RBFOX1: variants seen among roughly 807,000 people sequenced by gnomAD.
The protein encoded by RBFOX1 is RNA binding fox-1 homolog 1, also known as RNA binding protein fox-1 homolog 1.
RBFOX1 carries 8 observed loss-of-function variants against 57.7 expected under a neutral mutation model. The observed-to-expected ratio is 0.14, with a 90% CI of 0.08 to 0.25. The LOEUF (loss-of-function observed/expected upper bound fraction) is 0.25. Among genes scored for constraint, RBFOX1 ranks in the 10% least tolerant of loss-of-function variants. The pLI is 1.00. For missense variants in RBFOX1, 611 were observed against 548.5 expected (o/e 1.11, Z -1.14); for synonymous variants, 326 against 222.4 (o/e 1.47, Z -4.15).
chr16:6,339,180 AG>A (rs1258019956), intron 2 of RBFOX1, among the ~76,000 whole-genome samples: 2 of 152,244 alleles, frequency 1.3e-5, no homozygotes, highest in East Asian at 3.8e-4. Flanking sequence ...AGGAAGGCCA[AG>A]TTGACAGAGT....
At chr16:6,240,256 G>A (rs547504217) in intron 1 of RBFOX1, among the ~76,000 whole-genome samples, 2 of 152,256 alleles carry the variant, frequency 1.3e-5, no homozygotes, top group African/African-American at 4.8e-5. Flanking sequence ...AAATTACCCA[G>A]TCTCAGGTAT....
chr16:6,787,691 C>A (rs745801237), intron 3 of RBFOX1, among the ~76,000 whole-genome samples: 3 of 152,114 alleles, frequency 2.0e-5, no homozygotes, highest in Non-Finnish European at 2.9e-5. Context: ...GATTCATGAT[C>A]GTAGCATTCC....
At chr16:6,568,718 A>G (rs766527618) in intron 2 of RBFOX1, among the ~76,000 whole-genome samples, 9 of 152,102 alleles carry the variant, frequency 5.9e-5, no homozygotes, top group Non-Finnish European at 1.2e-4. Flanking sequence ...GTCTTCTTCC[A>G]TTTCAGGGGC....
intron 2 of RBFOX1, among the ~76,000 whole-genome samples, chr16:5,522,071 A>G (rs1306357381): frequency 1.3e-5 from 2 of 152,234 alleles, no homozygotes; most frequent in Non-Finnish European, 2.9e-5. Context: ...TTGAGTGAAT[A>G]TGTGACCACA....
intron 3 of RBFOX1, among the ~76,000 whole-genome samples, chr16:6,987,678 T>C (rs2090603505): frequency 1.3e-5 from 2 of 152,176 alleles, no homozygotes; most frequent in East Asian, 1.9e-4. Flanking sequence ...GTTCACAATC[T>C]AGAAGTGTGA....
chr16:6,393,038 G>T lies in RBFOX1; in HGVS notation c.-64+75981G>T, dbSNP rs141063630. On this transcript the variant is annotated intron_variant, in intron 2 of 15. Coordinates refer to ENST00000550418, the MANE Select transcript of RBFOX1 (RefSeq NM_018723.4). ...GTCTTTAAGGGAGGTTGAACAATAG[G>T]CTGGGACACTGGAGTAAATGGGGCA... 1.6e-3 allele frequency among the ~76,000 whole-genome samples: 241 copies of T among 152,262 alleles called. 2 individuals carry two copies. The highest frequency in any genetic ancestry group is 5.6e-3 in the African/African-American group (231 of 41,562).
At chr16:5,655,524 C>G (rs2049397685) in intron 3 of RBFOX1, among the ~76,000 whole-genome samples, 1 of 152,170 alleles carries the variant, frequency 6.6e-6, no homozygotes, top group African/African-American at 2.4e-5. Flanking sequence ...ATGAATGGTG[C>G]TTTAAATTCC....
At chr16:7,205,664 C>T (rs965192709) in intron 4 of RBFOX1, among the ~76,000 whole-genome samples, 1 of 152,212 alleles carries the variant, frequency 6.6e-6, no homozygotes, top group African/African-American at 2.4e-5. Context: ...TCCATGCCTT[C>T]TTGGTCATTA....
chr16:7,473,146 G>A (rs557513926), intron 4 of RBFOX1, among the ~76,000 whole-genome samples: 4 of 152,236 alleles, frequency 2.6e-5, no homozygotes, highest in South Asian at 2.1e-4. Context: ...GGGAGGCTGA[G>A]GTGGGTGAAT....
chr16:6,930,016 T>C (rs2076248000), intron 3 of RBFOX1, among the ~76,000 whole-genome samples: 1 of 152,106 alleles, frequency 6.6e-6, no homozygotes, highest in Admixed American at 6.5e-5. Context: ...GCGAGATCTC[T>C]CTCTTCTCTC....
intron 2 of RBFOX1, among the ~76,000 whole-genome samples, chr16:6,482,418 C>G (rs1310253583): frequency 6.6e-6 from 1 of 152,158 alleles, no homozygotes; most frequent in Non-Finnish European, 1.5e-5. Flanking sequence ...AGCACTTAAG[C>G]TGAAGATAGC....
chr16:6,275,689 T>C (rs2075730284), intron 1 of RBFOX1, among the ~76,000 whole-genome samples: 1 of 152,168 alleles, frequency 6.6e-6, no homozygotes, highest in Admixed American at 6.5e-5. Flanking sequence ...CATACCTATT[T>C]TTAAAAAACA....
At chr16:6,076,584 C>G (rs1247841553) in intron 1 of RBFOX1, among the ~76,000 whole-genome samples, 1 of 152,070 alleles carries the variant, frequency 6.6e-6, no homozygotes, top group Non-Finnish European at 1.5e-5. Flanking sequence ...CCTCCCACCT[C>G]TGCCTCCCAG....
intron 3 of RBFOX1, among the ~76,000 whole-genome samples, chr16:6,657,863 A>G (rs2098671216): frequency 6.6e-6 from 1 of 151,910 alleles, no homozygotes; most frequent in Admixed American, 6.6e-5. Context: ...TAGTTAAGGG[A>G]GCTTCACAGA....
chr16:5,778,461 A>G (rs1423680847), intron 3 of RBFOX1, among the ~76,000 whole-genome samples: 1 of 152,148 alleles, frequency 6.6e-6, no homozygotes, highest in Admixed American at 6.5e-5. Context: ...AATTATTCAA[A>G]CAAAGCAGTC....
chr16:6,435,095 G>C (rs75999549), intron 2 of RBFOX1, among the ~76,000 whole-genome samples: 2,981 of 152,250 alleles, frequency 0.02, 92 homozygotes, highest in African/African-American at 0.067. Context: ...TATAGCATTA[G>C]TCAGTCGAAG....
intron 5 of RBFOX1, among the ~76,000 whole-genome samples, chr16:7,578,161 T>G (rs1034971): frequency 0.3 from 45,976 of 152,166 alleles, 8,631 homozygotes; most frequent in East Asian, 0.53. Flanking sequence ...TCACTTTCCA[T>G]TTATTGAATA....
At chr16:7,234,608 GTATA>G (rs1315291730) in intron 4 of RBFOX1, among the ~76,000 whole-genome samples, 1 of 149,408 alleles carries the variant, frequency 6.7e-6, no homozygotes, top group African/African-American at 2.5e-5. Context: ...GTGTGTGTGT[GTATA>G]TATATGTTTG....
At chr16:6,940,734 A>T (rs2078237972) in intron 3 of RBFOX1, among the ~76,000 whole-genome samples, 1 of 149,662 alleles carries the variant, frequency 6.7e-6, no homozygotes, top group Non-Finnish European at 1.5e-5. Context: ...AGTAGCTGGG[A>T]CTACAGGCGC....
Sources: allele counts gnomAD v4.1 joint callset (sites outside exome capture counted in the v4.1 genomes callset), GRCh38; gene constraint gnomAD v4.1.1; transcripts MANE v1.5; gene names NCBI Gene and HGNC (gene_info 2026-07-23, HGNC 2026-07-21).